The following PBDC1 variants were observed in gnomAD, a reference collection of about 807,000 sequenced individuals.
PBDC1 encodes protein PBDC1.
In PBDC1, 3 loss-of-function variants were observed where a neutral mutation model predicts 12.0. That is an observed-to-expected ratio of 0.25 (90% CI 0.11 to 0.64). The LOEUF is 0.64. PBDC1 is among the 30% of genes least tolerant of loss of function. The pLI, the probability that PBDC1 is intolerant of heterozygous loss-of-function variation, is 0.84. For synonymous variants in PBDC1, 64 were observed against 56.4 expected (o/e 1.13, Z -0.60); for missense variants, 162 against 168.1 (o/e 0.96, Z 0.20).
chrX:76,175,428 G>C (rs369605737), intron 3 of PBDC1, 45 bp from the exon 4 acceptor site: 4 of 1,162,418 alleles, frequency 3.4e-6, no homozygotes, highest in Non-Finnish European at 4.7e-6. Flanking sequence ...TAGAAGTATA[G>C]TAAATTACAG....
At chrX:76,177,575 A>G (rs1556797074) in intron 5 of PBDC1, 41 bp from the exon 6 acceptor site, 1 of 1,118,242 alleles carries the variant, frequency 8.9e-7, no homozygotes, top group Admixed American at 3.1e-5. Flanking sequence ...TTAGGGAATA[A>G]GCTGAGAGTA....
At position 76,174,954 on chromosome X, in the gene PBDC1, G is replaced by A. The variant is rs1556796792; in HGVS notation, c.156+5G>A. ...CATGCTGAAGTCTATTACAAGGTGAGTTGTCTTTCTTCATCATTAAGCAGA... is the reference window on the plus strand; with the variant it reads ...CATGCTGAAGTCTATTACAAGGTGAATTGTCTTTCTTCATCATTAAGCAGA... On this transcript the variant is annotated splice_donor_5th_base_variant and intron_variant, in intron 3 of 5. Transcript: ENST00000373358. 8.5e-7 allele frequency: 1 copy of A among 1,174,322 alleles called. No homozygotes were observed. The highest frequency in any genetic ancestry group is 1.8e-5 in the South Asian group (1 of 56,152).
intron 5 of PBDC1, 53 bp downstream of exon 5, chrX:76,177,045 G>T: frequency 2.5e-6 from 2 of 809,362 alleles, no homozygotes; most frequent in Non-Finnish European, 3.7e-6. Context: ...GAACAGTCTG[G>T]CTTTACTGAT....
chrX:76,177,475 A>G, intron 5 of PBDC1, 141 bp from the exon 6 acceptor site: 2 of 511,059 alleles, frequency 3.9e-6, no homozygotes, highest in Non-Finnish European at 6.4e-6. Flanking sequence ...TGCTTGAACC[A>G]GGGAAATTGA....
At position 76,177,966 on chromosome X, in the gene PBDC1, G is replaced by A. The variant is rs782591890; in HGVS notation, c.*58G>A. ...ACTCAATTGAGACTACAAGTACCAC[G>A]GTGCTACTTGCACAGACCCCTTTGG... On this transcript the variant is annotated 3_prime_UTR_variant, in exon 6 of 6. Transcript: ENST00000373358. 1.7e-5 allele frequency: 20 copies of A among 1,193,307 alleles called. No individual in the cohort carries two copies. Among genetic ancestry groups the A allele is most frequent in the Middle Eastern group, 2.3e-4 (1 of 4,266 alleles).
rs1569277561 is a variant in PBDC1, at chrX:76,176,915, T to C, written c.332T>C (p.Ile111Thr). Residue 111 changes from isoleucine (I) to threonine (T), a missense_variant, in exon 5 of 6, where the codon ATT becomes ACT. By Grantham distance (89) the Ile-to-Thr change is moderately conservative. This residue lies in a region of PBDC1 where 100 missense variants were observed against 96.2 expected (regional missense o/e 1.04). Transcript: ENST00000373358. The stretch of plus-strand genomic sequence containing the variant: ...CCATTCTGCTTGAAGTTTAATGGGA[T>C]TGTTGAAGACTTCAACTATGGTACT... ...WRPFCLKFNG[I>T]VEDFNYGTLL... The C allele has an allele frequency of 8.3e-7, 1 of 1,207,576 alleles. No homozygotes were observed. Among genetic ancestry groups the C allele is most frequent in the East Asian group, 3.0e-5 (1 of 33,722 alleles).
intron 1 of PBDC1, 58 bp from the exon 2 acceptor site, chrX:76,173,527 G>T (rs1474701222): frequency 1.8e-5 from 17 of 940,219 alleles, no homozygotes; most frequent in Non-Finnish European, 2.4e-5. Context: ...CTGGCCTTGG[G>T]GGGAGCCACC....
chrX:76,173,551 G>T (rs181631748), intron 1 of PBDC1, 34 bp from the exon 2 acceptor site: 29 of 1,139,051 alleles, frequency 2.5e-5, no homozygotes, highest in Non-Finnish European at 2.9e-5. Flanking sequence ...CCCGGCCTTG[G>T]GGGGAGCCTT....
chrX:76,175,705 G>A (rs1478858642), intron 4 of PBDC1, 92 bp downstream of exon 4: 1 of 670,575 alleles, frequency 1.5e-6, no homozygotes, highest in African/African-American at 2.3e-5. Context: ...TTTTTTGTTT[G>A]AGAAAAATAT....
chrX:76,173,220 C>G (rs1336489885), intron 1 of PBDC1, 52 bp downstream of exon 1: 19 of 1,062,830 alleles, frequency 1.8e-5, no homozygotes, highest in Non-Finnish European at 2.2e-5. Context: ...CCAGGTGGAG[C>G]CTTTTTTTTT....
chrX:76,175,432 A>G, intron 3 of PBDC1, 41 bp from the exon 4 acceptor site: 1 of 1,172,300 alleles, frequency 8.5e-7, no homozygotes, highest in Non-Finnish European at 1.2e-6. Flanking sequence ...AGTATAGTAA[A>G]TTACAGACTA....
In PBDC1 at chrX:76,173,105, C is replaced by T; in HGVS notation, c.-34C>T. ...TGATCCGGCTCAGCTTTCCAATCAG[C>T]TGCGGAAGGAGCCACGCTTTCGGGG... On this transcript the variant is annotated 5_prime_UTR_variant, in exon 1 of 6. Coordinates refer to ENST00000373358, the MANE Select transcript of PBDC1 (RefSeq NM_016500.5). The T allele has an allele frequency of 8.5e-7, 1 of 1,170,467 alleles. No individual in the cohort carries two copies. The highest frequency in any genetic ancestry group is 1.1e-6 in the Non-Finnish European group (1 of 872,812).
At chrX:76,174,802 T>A (rs1924747914) in intron 2 of PBDC1, 88 bp from the exon 3 acceptor site, 1 of 720,483 alleles carries the variant, frequency 1.4e-6, no homozygotes, top group Non-Finnish European at 2.2e-6. Flanking sequence ...CTCTTGAGCA[T>A]TAACTAGACA....
intron 4 of PBDC1, 38 bp downstream of exon 4, chrX:76,175,651 A>G: frequency 1.9e-6 from 2 of 1,062,614 alleles, no homozygotes; most frequent in Admixed American, 6.4e-5. Flanking sequence ...TTAGCATTTA[A>G]CCAACAATTT....
At chrX:76,177,115 G>A (rs1924813370) in intron 5 of PBDC1, 123 bp downstream of exon 5, 1 of 429,868 alleles carries the variant, frequency 2.3e-6, no homozygotes, top group Non-Finnish European at 4.0e-6. Context: ...AGATCTTGTT[G>A]CTATTTTTAT....
chrX:76,175,799 G>T lies in PBDC1; in HGVS notation c.297+186G>T, dbSNP rs1381334085. Among the ~76,000 whole-genome samples, 3 of 111,912 alleles carry T rather than the reference G, an allele frequency of 2.7e-5. No individual in the cohort carries two copies. In the Admixed American group the frequency reaches 2.8e-4, roughly 11 times the overall value. ...TTCCAGTTTATGGACTTTTCATGTT[G>T]TTGAGTCTATTTTTTTCTCCTTTTT... On this transcript the variant is annotated intron_variant, in intron 4 of 5. Transcript: ENST00000373358.
In PBDC1 at chrX:76,174,925, G is replaced by C; in HGVS notation, c.132G>C (p.Met44Ile). The change falls in exon 3 of 6, where the codon ATG (methionine) becomes ATC (isoleucine). Residue 44 changes from methionine (M) to isoleucine (I), a missense_variant. By Grantham distance (10) the Met-to-Ile change is conservative (BLOSUM62 1). Transcript: ENST00000373358. ...DIEMAWAMRA[M>I]QHAEVYYKLI... ...AGATGGCTTGGGCCATGAGAGCAAT[G>C]CAGCATGCTGAAGTCTATTACAAGG... 1 of 1,205,697 alleles carries C rather than the reference G, an allele frequency of 8.3e-7. No individual in the cohort carries two copies. Among genetic ancestry groups the C allele is most frequent in the African/African-American group, 1.7e-5 (1 of 57,803 alleles).
Position 76,176,849 on chromosome X carries a change from T to C in PBDC1, c.298-32T>C, listed in dbSNP as rs1556796998. The C allele has an allele frequency of 3.0e-6, 3 of 992,431 alleles. No homozygotes were observed. The East Asian group carries it at 9.2e-5, about 30-fold the overall frequency. The allele number at this position is 992,431 out of a possible 1,213,427, so 81.8% of individuals were successfully genotyped here. On this transcript the variant is annotated intron_variant, in intron 4 of 5. Coordinates refer to ENST00000373358, the MANE Select transcript of PBDC1 (RefSeq NM_016500.5). The stretch of plus-strand genomic sequence containing the variant: ...CCTTAGTACGTCAGCCTCTTGCATT[T>C]GTCAGCTAAAGCATCGTTTTTGCCT...
chrX:76,174,259 T>TG (rs781969888), intron 2 of PBDC1, among the ~76,000 whole-genome samples: 2 of 111,093 alleles, frequency 1.8e-5, no homozygotes, highest in South Asian at 7.8e-4. Context: ...GATTGGCACG[T>TG]GGGAAAAGTG....
Sources: allele counts gnomAD v4.1 joint callset (sites outside exome capture counted in the v4.1 genomes callset), GRCh38; gene constraint gnomAD v4.1.1; regional missense constraint gnomAD v4.1.1; transcripts MANE v1.5; gene names NCBI Gene and HGNC (gene_info 2026-07-23, HGNC 2026-07-21).